Variants in TRAK2 observed in about 807,000 individuals in gnomAD.
TRAK2 encodes the protein trafficking kinesin-binding protein 2.
Under a neutral mutation model 104.6 loss-of-function variants are expected in TRAK2, and 81 were observed. The ratio of observed to expected loss-of-function variants is 0.77; its 90% confidence interval spans 0.65 to 0.93. The LOEUF is 0.93. TRAK2 is among the 40% of genes least tolerant of loss of function. The pLI, the probability that TRAK2 is intolerant of heterozygous loss-of-function variation, is 0.00. For missense variants in TRAK2, 1,002 were observed against 1,089.0 expected, an observed-to-expected ratio of 0.92 and a Z score of 1.12; for synonymous variants, 406 against 394.4, an observed-to-expected ratio of 1.03 and a Z score of -0.35.
chr2:201,423,658 G>C (rs1261961828), intron 1 of TRAK2: 1 of 152,226 alleles, frequency 6.6e-6, no homozygotes, highest in East Asian at 1.9e-4. Flanking sequence ...GCACAACACT[G>C]TAAATACACT....
intron 1 of TRAK2, 36 bp downstream of exon 1, chr2:201,451,314 G>A (rs1041239178): frequency 5.3e-5 from 8 of 152,240 alleles, no homozygotes; most frequent in African/African-American, 1.9e-4. Context: ...AAGTTGTCAA[G>A]GGCAAGTTCG....
At chr2:201,431,616 C>T (rs1005940002) in intron 1 of TRAK2, among the ~76,000 whole-genome samples, 6 of 152,234 alleles carry the variant, frequency 3.9e-5, no homozygotes, top group African/African-American at 1.4e-4. Flanking sequence ...TAAGGTAAAA[C>T]TGGATAATCC....
At chr2:201,424,071 T>C (rs528155978) in intron 1 of TRAK2, among the ~76,000 whole-genome samples, 9 of 152,168 alleles carry the variant, frequency 5.9e-5, no homozygotes, top group Non-Finnish European at 1.0e-4. Flanking sequence ...TATCGTATTG[T>C]CCAGAATTGT....
In TRAK2 at chr2:201,401,114, C is replaced by A; in HGVS notation, c.287-20G>T. The A allele has an allele frequency of 6.5e-7, 1 of 1,547,028 alleles. No homozygotes were observed. The highest frequency in any genetic ancestry group is 8.8e-7 in the Non-Finnish European group (1 of 1,130,518). On this transcript the variant is annotated intron_variant, in intron 3 of 15. Transcript: ENST00000332624. ...CTAGAACTAATATAGTTAAAAACAA[C>A]TATTTATAGGCTTTAGCAATAATGA...
chr2:201,445,814 G>T (rs1951960115), intron 1 of TRAK2, among the ~76,000 whole-genome samples: 1 of 152,216 alleles, frequency 6.6e-6, no homozygotes, highest in African/African-American at 2.4e-5. Flanking sequence ...ACTTGATCCT[G>T]CAGGGAACAC....
At chr2:201,438,323 A>G (rs1023107412) in intron 1 of TRAK2, among the ~76,000 whole-genome samples, 1 of 152,206 alleles carries the variant, frequency 6.6e-6, no homozygotes, top group African/African-American at 2.4e-5. Flanking sequence ...ATAAAGAAAT[A>G]TGTTCTCAAT....
chr2:201,393,110 C>A (rs556828755), intron 9 of TRAK2, 64 bp from the exon 10 acceptor site: 2 of 1,507,082 alleles, frequency 1.3e-6, no homozygotes, highest in South Asian at 1.4e-5. Context: ...AAAAAAAACC[C>A]GAAACCTTTT....
chr2:201,428,775 C>T (rs1212109556), intron 1 of TRAK2, among the ~76,000 whole-genome samples: 3 of 152,156 alleles, frequency 2.0e-5, no homozygotes, highest in Non-Finnish European at 2.9e-5. Flanking sequence ...GCCATTTTCA[C>T]GATGTTGATT....
chr2:201,399,818 CAT>C (rs1264674624), intron 4 of TRAK2, among the ~76,000 whole-genome samples: 1 of 152,016 alleles, frequency 6.6e-6, no homozygotes, highest in Non-Finnish European at 1.5e-5. Context: ...GGAAAATCAA[CAT>C]AGTCTTTAAA....
rs897875196 is a variant in TRAK2, at chr2:201,379,047, G to A, written c.*1496C>T. 1 of 152,144 alleles carries A rather than the reference G, an allele frequency of 6.6e-6. No homozygotes were observed. The highest frequency in any genetic ancestry group is 2.4e-5 in the African/African-American group (1 of 41,422). 9.4% of individuals were successfully genotyped at this position (152,144 alleles called of 1,614,324 possible). A position where few individuals can be genotyped will look rare whatever the true frequency, so the allele number is the denominator to read the frequency against. On this transcript the variant is annotated 3_prime_UTR_variant, in exon 16 of 16. Coordinates refer to ENST00000332624, the MANE Select transcript of TRAK2 (RefSeq NM_015049.3). ...GCAAATTAAGCACCAAAAAGATCAA[G>A]TAATTTACTTGCCATTTTCATAAAC...
At chr2:201,399,821 A>C (rs569987281) in intron 4 of TRAK2, among the ~76,000 whole-genome samples, 22 of 152,202 alleles carry the variant, frequency 1.4e-4, no homozygotes, top group Admixed American at 1.4e-3. Context: ...AAATCAACAT[A>C]GTCTTTAAAA....
At chr2:201,388,551 C>G (rs1951413478) in intron 12 of TRAK2, among the ~76,000 whole-genome samples, 1 of 152,178 alleles carries the variant, frequency 6.6e-6, no homozygotes, top group African/African-American at 2.4e-5. Context: ...GTATATAATA[C>G]TGCATTTTTA....
At chr2:201,450,775 C>T (rs568933463) in intron 1 of TRAK2, among the ~76,000 whole-genome samples, 2 of 150,536 alleles carry the variant, frequency 1.3e-5, no homozygotes, top group South Asian at 2.1e-4. Flanking sequence ...ATTATTATGA[C>T]GCAGATTTTT....
intron 4 of TRAK2, among the ~76,000 whole-genome samples, chr2:201,399,872 T>C (rs1174637258): frequency 1.3e-5 from 2 of 152,084 alleles, no homozygotes; most frequent in South Asian, 2.1e-4. Flanking sequence ...AACAAATATT[T>C]GTTGAAAGCA....
chr2:201,380,891 A>C lies in TRAK2; in HGVS notation c.2397T>G (p.Ser799=), dbSNP rs1364244876. Reference sequence around the variant, plus strand: ...CTGGTCGAGAGGCCAAAAAATTTTCAGAGAGATGCACTCGAGGCTCAAAGG... The same window carrying C: ...CTGGTCGAGAGGCCAAAAAATTTTCCGAGAGATGCACTCGAGGCTCAAAGG... ...PLPFEPRVHL[S]ENFLASRPAE... The change falls in exon 16 of 16, where the codon TCT becomes TCG. Residue 799 remains serine, a synonymous_variant. Coordinates refer to ENST00000332624, the MANE Select transcript of TRAK2 (RefSeq NM_015049.3). The C allele has an allele frequency of 6.2e-7, 1 of 1,614,104 alleles. No homozygotes were observed. The highest frequency in any genetic ancestry group is 8.5e-7 in the Non-Finnish European group (1 of 1,179,990).
intron 1 of TRAK2, among the ~76,000 whole-genome samples, chr2:201,439,954 G>A (rs1951907513): frequency 1.8e-5 from 2 of 110,798 alleles, no homozygotes; most frequent in South Asian, 8.2e-4. Context: ...GGAGGGGGGA[G>A]GGATAGCATT....
chr2:201,401,862 A>G (rs1020097748), intron 3 of TRAK2, among the ~76,000 whole-genome samples: 4 of 152,102 alleles, frequency 2.6e-5, no homozygotes, highest in Admixed American at 6.5e-5. Flanking sequence ...TTAATAATGC[A>G]TAACAAAAGA....
At chr2:201,449,480 C>CTTT (rs3083385) in intron 1 of TRAK2, among the ~76,000 whole-genome samples, 2 of 98,054 alleles carry the variant, frequency 2.0e-5, no homozygotes, top group African/African-American at 4.0e-5. Context: ...AATGTTGGTT[C>CTTT]TTTTTTTTTT....
At chr2:201,412,497 T>C in intron 2 of TRAK2, 1 of 1,154,758 alleles carries the variant, frequency 8.7e-7, no homozygotes, top group Non-Finnish European at 1.3e-6. Flanking sequence ...TATAAATGTC[T>C]TGCTTATTGC....
Sources: gnomAD v4.1 joint callset for allele counts (sites outside exome capture counted in the v4.1 genomes callset) on GRCh38, gnomAD v4.1.1 for gene constraint, MANE v1.5 for transcripts, NCBI Gene and HGNC (gene_info 2026-07-23, HGNC 2026-07-21) for gene names.